The following NCAN variants were observed in gnomAD, a reference collection of about 807,000 sequenced individuals.
NCAN encodes the protein neurocan core protein.
A neutral mutation model predicts 121.8 loss-of-function variants in NCAN; 47 were observed. The observed-to-expected ratio is 0.39, with a 90% confidence interval of 0.31 to 0.49. NCAN has a LOEUF of 0.49. NCAN is among the 20% of genes least tolerant of loss of function. NCAN has a pLI of 0.92. For synonymous variants in NCAN, 633 were observed against 702.0 expected (o/e 0.90, Z 1.55); for missense variants, 1,517 against 1,773.4 (o/e 0.86, Z 2.60).
Position 19,249,953 on chromosome 19 carries a change from C to T in NCAN, c.*42C>T. 6.3e-7 allele frequency: 1 copy of T among 1,577,954 alleles called. No homozygotes were observed. Among genetic ancestry groups the T allele is most frequent in the Non-Finnish European group, 8.6e-7 (1 of 1,159,854 alleles). ...AAGCACAACACCTTTCCCATGCCTCCTCTGGAGCCTTCGCCTGGGGAGACA... is the reference window on the plus strand; with the variant it reads ...AAGCACAACACCTTTCCCATGCCTCTTCTGGAGCCTTCGCCTGGGGAGACA... On this transcript the variant is annotated 3_prime_UTR_variant, in exon 15 of 15. Transcript: ENST00000252575.
intron 8 of NCAN, among the ~76,000 whole-genome samples, chr19:19,231,367 G>A (rs1373572486): frequency 2.7e-5 from 4 of 148,348 alleles, no homozygotes; most frequent in Non-Finnish European, 5.9e-5. Context: ...GTCTTTCTCC[G>A]TCGCCCAGGC....
rs1162022544 is a variant in NCAN at position 19,250,392 on chromosome 19, C to T, written c.*481C>T. The T allele has an allele frequency of 5.8e-6, 2 of 343,452 alleles. No homozygotes were observed. Among genetic ancestry groups the T allele is most frequent in the Non-Finnish European group, 1.1e-5 (2 of 175,652 alleles). The allele number at this position is 343,452 out of a possible 1,614,324, so 21.3% of individuals were successfully genotyped here. Reference sequence around the variant, plus strand: ...GGGAATAGAAGGCTACACAGAAGCACACTGTTTTTGAACTTGACAACAGCT... The same window carrying T: ...GGGAATAGAAGGCTACACAGAAGCATACTGTTTTTGAACTTGACAACAGCT... On this transcript the variant is annotated 3_prime_UTR_variant, in exon 15 of 15. Transcript: ENST00000252575.
intron 5 of NCAN, 34 bp downstream of exon 5, chr19:19,224,467 G>C (rs763598899): frequency 1.2e-6 from 2 of 1,602,006 alleles, no homozygotes; most frequent in Middle Eastern, 1.7e-4. Context: ...CGGCCCCTCC[G>C]CCTCTCTTTG....
At position 19,225,841 on chromosome 19, in the gene NCAN, A is replaced by C. The variant is rs2060834733; in HGVS notation, c.1072+571A>C. Among the ~76,000 whole-genome samples the C allele has an allele frequency of 1.3e-5, 2 of 152,236 alleles. No individual in the cohort carries two copies. The highest frequency in any genetic ancestry group is 2.9e-5 in the Non-Finnish European group (2 of 68,022). On this transcript the variant is annotated intron_variant, in intron 6 of 14. Coordinates refer to ENST00000252575, the MANE Select transcript of NCAN (RefSeq NM_004386.3). This position sits in a 1 kb window ranked among gnomAD's most constrained non-coding sequence, Gnocchi z 4.0. ...CACCTGTACCAGGGGAGGATCCGTC[A>C]CCAAGGTTGAGTTGAACCCCTCAAC...
chr19:19,225,485 AGAG>A lies in NCAN; in HGVS notation c.1072+220_1072+222del. On this transcript the variant is annotated intron_variant, in intron 6 of 14. Transcript: ENST00000252575. The surrounding 1 kb of genome is among the most constrained non-coding windows in gnomAD (Gnocchi z 4.0). ...CGTCCTGGGTAAAGAACAGGGCTCC[AGAG>A]GAGGCCACTCTGGTGGGGAGTCACC... is the stretch of plus-strand genomic sequence containing the variant. 6.6e-6 allele frequency among the ~76,000 whole-genome samples: 1 copy of A among 152,350 alleles called. No homozygotes were observed. The highest frequency in any genetic ancestry group is 2.1e-4 in the South Asian group (1 of 4,830).
intron 12 of NCAN, among the ~76,000 whole-genome samples, chr19:19,243,494 C>T (rs1432477205): frequency 5.8e-5 from 7 of 120,720 alleles, no homozygotes; most frequent in Non-Finnish European, 8.1e-5. Flanking sequence ...CCAGCCTGGG[C>T]GACAGAGAGA....
chr19:19,230,607 C>T (rs2060854688), intron 8 of NCAN, among the ~76,000 whole-genome samples: 1 of 151,440 alleles, frequency 6.6e-6, no homozygotes, highest in Admixed American at 6.6e-5. Context: ...TGCCATGTTG[C>T]CCAAGCTAGT....
intron 1 of NCAN, among the ~76,000 whole-genome samples, chr19:19,215,141 C>G (rs1472212814): frequency 6.6e-6 from 1 of 152,154 alleles, no homozygotes; most frequent in Non-Finnish European, 1.5e-5. Context: ...GCACCACGGA[C>G]AGGTCCCAGG....
intron 12 of NCAN, among the ~76,000 whole-genome samples, chr19:19,243,193 G>A (rs188510194): frequency 3.8e-4 from 57 of 151,798 alleles, no homozygotes; most frequent in African/African-American, 1.4e-3. Flanking sequence ...TGCTCAATGA[G>A]TACAGAATTT....
intron 1 of NCAN, among the ~76,000 whole-genome samples, chr19:19,213,133 G>A (rs2060781432): frequency 6.6e-6 from 1 of 152,182 alleles, no homozygotes; most frequent in Non-Finnish European, 1.5e-5. Flanking sequence ...CGGGGGACGT[G>A]GGGGCAGGGC....
chr19:19,225,039 C>A lies in NCAN; in HGVS notation c.841C>A (p.Arg281Ser). 1.3e-6 allele frequency: 2 copies of A among 1,503,196 alleles called. No homozygotes were observed. Among genetic ancestry groups the A allele is most frequent in the Non-Finnish European group, 1.8e-6 (2 of 1,134,036 alleles). The allele number at this position is 1,503,196 out of a possible 1,614,324, so 93.1% of individuals were successfully genotyped here. The change falls in exon 6 of 15, where the codon CGC (arginine) becomes AGC (serine). Residue 281 changes from arginine to serine, a missense_variant. Coordinates refer to ENST00000252575, the MANE Select transcript of NCAN (RefSeq NM_004386.3). The surrounding 1 kb of genome is among the most constrained non-coding windows in gnomAD (Gnocchi z 4.0). ...LTLAGARAQC[R>S]RQGAALASVG... ...ACTGGCCGGCGCGCGTGCACAGTGCCGCCGCCAGGGTGCCGCGCTGGCCTC... is the reference window on the plus strand; with the variant it reads ...ACTGGCCGGCGCGCGTGCACAGTGCAGCCGCCAGGGTGCCGCGCTGGCCTC...
intron 11 of NCAN, 24 bp from the exon 12 acceptor site, chr19:19,240,579 G>C (rs1173451402): frequency 6.2e-7 from 1 of 1,613,540 alleles, no homozygotes; most frequent in East Asian, 2.2e-5. Context: ...TGAACACCCA[G>C]ACCCACAACC....
chr19:19,245,356 CG>C lies in NCAN; in HGVS notation c.3539del (p.Gly1180ValfsTer7). ...WRENQPDNFF[A>X]GGEDCVVMVA... Reference sequence around the variant, plus strand: ...GAGAACCAGCCGGACAATTTCTTCGCGGGTGGCGAGGACTGTGTGGTGATGG... The same window carrying C: ...GAGAACCAGCCGGACAATTTCTTCGCGGTGGCGAGGACTGTGTGGTGATGG... On this transcript the variant is annotated frameshift_variant, in exon 13 of 15. Coordinates refer to ENST00000252575, the MANE Select transcript of NCAN (RefSeq NM_004386.3). LOFTEE classifies it high-confidence loss of function. 6.2e-7 allele frequency: 1 copy of C among 1,614,156 alleles called. No homozygotes were observed. Among genetic ancestry groups the C allele is most frequent in the African/African-American group, 1.3e-5 (1 of 75,030 alleles).
intron 12 of NCAN, among the ~76,000 whole-genome samples, chr19:19,243,986 G>A (rs889845949): frequency 4.6e-5 from 7 of 151,744 alleles, no homozygotes; most frequent in Admixed American, 1.3e-4. Context: ...GAGCGAGATC[G>A]CACCACTACA....
intron 1 of NCAN, among the ~76,000 whole-genome samples, chr19:19,216,350 C>T (rs962828060): frequency 2.0e-5 from 3 of 151,352 alleles, no homozygotes; most frequent in Non-Finnish European, 2.9e-5. Flanking sequence ...CTCACCCTGT[C>T]GCCCAGGCTG....
At chr19:19,243,515 CAAAAAAAAAAA>C (rs781710638) in intron 12 of NCAN, among the ~76,000 whole-genome samples, 1 of 42,682 alleles carries the variant, frequency 2.3e-5, no homozygotes, top group Non-Finnish European at 5.0e-5. Flanking sequence ...GACTCCATCT[CAAAAAAAAAAA>C]AAAAAAAAGA....
intron 13 of NCAN, among the ~76,000 whole-genome samples, chr19:19,247,928 G>C (rs10417330): frequency 0.036 from 5,445 of 151,964 alleles, 259 homozygotes; most frequent in African/African-American, 0.1. Context: ...ATAAAACTCA[G>C]CTTGAGCCCA....
chr19:19,240,152 ACTC>A (rs1568601742), intron 11 of NCAN, among the ~76,000 whole-genome samples: 10 of 66,872 alleles, frequency 1.5e-4, no homozygotes, highest in Non-Finnish European at 3.0e-5. Context: ...CCTCCCTTTC[ACTC>A]CTCCTCCTTT....
intron 11 of NCAN, 95 bp downstream of exon 11, chr19:19,238,506 T>G: frequency 4.8e-6 from 7 of 1,454,096 alleles, no homozygotes; most frequent in South Asian, 1.2e-5. Context: ...TCCCCTGGTT[T>G]TCAAGACGTC....
Sources: allele counts gnomAD v4.1 joint callset (sites outside exome capture counted in the v4.1 genomes callset), GRCh38; gene constraint gnomAD v4.1.1; non-coding constraint Gnocchi (gnomAD v3.1); transcripts MANE v1.5; gene names NCBI Gene and HGNC (gene_info 2026-07-23, HGNC 2026-07-21).